Variants in ATF6 observed in about 807,000 individuals in gnomAD.
ATF6 encodes the protein cyclic AMP-dependent transcription factor ATF-6 alpha.
Under a neutral mutation model 83.6 loss-of-function variants are expected in ATF6, and 53 were observed. The observed-to-expected ratio is 0.63, with a 90% CI of 0.51 to 0.80. The LOEUF is 0.80. ATF6 is among the 30% of genes least tolerant of loss of function. The pLI is 0.00. For synonymous variants in ATF6, 288 were observed against 285.8 expected (o/e 1.01, Z -0.08); for missense variants, 744 against 797.9 (o/e 0.93, Z 0.81).
rs1689081185 is a variant in ATF6 at position 161,960,754 on chromosome 1, G to T, written c.*2100G>T. The stretch of plus-strand genomic sequence containing the variant: ...TTCTCTGGGGACCATTCTTCTGCTG[G>T]GTGCCAAGGAATATAAGGCAAATGC... On this transcript the variant is annotated 3_prime_UTR_variant, in exon 16 of 16. Transcript: ENST00000367942. 1 of 152,158 alleles carries T rather than the reference G, an allele frequency of 6.6e-6. No individual in the cohort carries two copies. Among genetic ancestry groups the T allele is most frequent in the South Asian group, 2.1e-4 (1 of 4,824 alleles). The allele number at this position is 152,158 out of a possible 1,614,324, so 9.4% of individuals were successfully genotyped here. A position where few individuals can be genotyped will look rare whatever the true frequency, so the allele number is the denominator to read the frequency against.
At chr1:161,808,254 AC>A (rs1685352665) in intron 7 of ATF6, among the ~76,000 whole-genome samples, 1 of 152,122 alleles carries the variant, frequency 6.6e-6, no homozygotes, top group Non-Finnish European at 1.5e-5. Flanking sequence ...ACAATGAAAT[AC>A]TTCTCTCTCC....
intron 9 of ATF6, among the ~76,000 whole-genome samples, chr1:161,822,463 T>C (rs1685788971): frequency 6.6e-6 from 1 of 152,110 alleles, no homozygotes. Flanking sequence ...GGAAAGCAGA[T>C]TTAGTAGGGG....
At chr1:161,942,849 TTTTG>T (rs146891452) in intron 15 of ATF6, among the ~76,000 whole-genome samples, 37,430 of 151,610 alleles carry the variant, frequency 0.25, 5,417 homozygotes, top group Non-Finnish European at 0.33. Flanking sequence ...CCTCATCTTT[TTTTG>T]TTTGTTTGTT....
intron 9 of ATF6, among the ~76,000 whole-genome samples, chr1:161,821,567 A>G (rs903567055): frequency 1.3e-5 from 2 of 152,236 alleles, no homozygotes; most frequent in Non-Finnish European, 2.9e-5. Flanking sequence ...AAGGCATGCC[A>G]GGCAAAGGGA....
chr1:161,838,529 G>T (rs1240916231), intron 9 of ATF6, among the ~76,000 whole-genome samples: 1 of 152,208 alleles, frequency 6.6e-6, no homozygotes, highest in Non-Finnish European at 1.5e-5. Flanking sequence ...TGGCCAGTAA[G>T]TTGGTGACGG....
intron 14 of ATF6, among the ~76,000 whole-genome samples, chr1:161,892,486 T>A (rs1390238480): frequency 1.3e-5 from 2 of 152,204 alleles, no homozygotes; most frequent in Non-Finnish European, 2.9e-5. Flanking sequence ...GTTTGTCTCT[T>A]TAAGTCTCTG....
chr1:161,802,772 G>C (rs1410354879), intron 7 of ATF6, among the ~76,000 whole-genome samples: 1 of 152,132 alleles, frequency 6.6e-6, no homozygotes, highest in Admixed American at 6.5e-5. Flanking sequence ...CTGTCTCTTA[G>C]TGATTATTTG....
At chr1:161,847,598 ACTT>A (rs1686515281) in intron 10 of ATF6, among the ~76,000 whole-genome samples, 1 of 152,134 alleles carries the variant, frequency 6.6e-6, no homozygotes, top group Non-Finnish European at 1.5e-5. Flanking sequence ...AATTCATCAT[ACTT>A]CTTAAAATAT....
At chr1:161,821,993 G>GT in intron 9 of ATF6, among the ~76,000 whole-genome samples, 1 of 152,246 alleles carries the variant, frequency 6.6e-6, no homozygotes, top group Admixed American at 6.5e-5. Flanking sequence ...AAAGAGGGAA[G>GT]TTAAGGATAA....
intron 4 of ATF6, among the ~76,000 whole-genome samples, chr1:161,786,977 T>C (rs770065047): frequency 6.6e-6 from 1 of 152,242 alleles, no homozygotes; most frequent in Non-Finnish European, 1.5e-5. Context: ...TTTTGGGGAT[T>C]AGGAGTTAGT....
chr1:161,860,126 A>C, intron 12 of ATF6, 81 bp from the exon 13 acceptor site: 1 of 865,720 alleles, frequency 1.2e-6, no homozygotes, highest in South Asian at 2.6e-5. Flanking sequence ...AACAAATTTA[A>C]GTATAGAATG....
chr1:161,913,045 T>G (rs972548627), intron 15 of ATF6, among the ~76,000 whole-genome samples: 5 of 152,214 alleles, frequency 3.3e-5, no homozygotes, highest in Non-Finnish European at 7.3e-5. Context: ...TACTTTCAGC[T>G]TGATTCTTCA....
At chr1:161,874,873 ATGTC>A (rs1438021107) in intron 14 of ATF6, among the ~76,000 whole-genome samples, 1 of 151,664 alleles carries the variant, frequency 6.6e-6, no homozygotes, top group Non-Finnish European at 1.5e-5. Flanking sequence ...GTATGTTTGC[ATGTC>A]TGTCTATCTA....
intron 15 of ATF6, among the ~76,000 whole-genome samples, chr1:161,956,835 C>T (rs1368285222): frequency 2.6e-5 from 4 of 152,186 alleles, no homozygotes; most frequent in Non-Finnish European, 5.9e-5. Flanking sequence ...CTGCTCAAGA[C>T]ACTTAGAATT....
intron 14 of ATF6, among the ~76,000 whole-genome samples, chr1:161,873,484 C>T (rs1687155826): frequency 1.3e-5 from 2 of 151,474 alleles, no homozygotes; most frequent in Admixed American, 6.6e-5. Flanking sequence ...ATTTCCTCCC[C>T]TCTCCTATAT....
intron 14 of ATF6, among the ~76,000 whole-genome samples, chr1:161,883,605 C>T (rs1044154495): frequency 6.6e-6 from 1 of 151,942 alleles, no homozygotes; most frequent in African/African-American, 2.4e-5. Flanking sequence ...ATGACTATGT[C>T]ATGGGTTCAT....
chr1:161,792,506 A>G (rs1253923297), intron 6 of ATF6, among the ~76,000 whole-genome samples, 179 bp downstream of exon 6: 1 of 152,196 alleles, frequency 6.6e-6, no homozygotes, highest in Non-Finnish European at 1.5e-5. Context: ...AACAAGGGAT[A>G]TAGCTCTCCA....
chr1:161,803,864 T>C (rs1016220521), intron 7 of ATF6, among the ~76,000 whole-genome samples: 2 of 152,170 alleles, frequency 1.3e-5, no homozygotes, highest in African/African-American at 2.4e-5. Context: ...TATTATACTT[T>C]AAGTTTTAGG....
chr1:161,917,022 C>T (rs771367294), intron 15 of ATF6, among the ~76,000 whole-genome samples: 2 of 152,202 alleles, frequency 1.3e-5, no homozygotes, highest in Non-Finnish European at 2.9e-5. Context: ...TCCAGCTTCT[C>T]CTCTTCTGTC....
Sources: allele counts gnomAD v4.1 joint callset (sites outside exome capture counted in the v4.1 genomes callset), GRCh38; gene constraint gnomAD v4.1.1; transcripts MANE v1.5; gene names NCBI Gene and HGNC (gene_info 2026-07-23, HGNC 2026-07-21).